The following CEMIP variants were observed in gnomAD, a reference collection of about 807,000 sequenced individuals.
CEMIP encodes cell migration inducing hyaluronidase 1.
Under a neutral mutation model 156.9 loss-of-function variants are expected in CEMIP, and 105 were observed. The ratio of observed to expected loss-of-function variants is 0.67; its 90% CI spans 0.57 to 0.79. The LOEUF is 0.79. Ranked by LOEUF, CEMIP falls within the 30% of genes least tolerant of loss-of-function variation. CEMIP has a pLI of 0.00. For synonymous variants in CEMIP, 676 were observed against 668.4 expected (o/e 1.01, Z -0.17); for missense variants, 1,457 against 1,769.4 (o/e 0.82, Z 3.17).
chr15:80,797,625 A>G (rs1416605785), intron 1 of CEMIP, among the ~76,000 whole-genome samples: 1 of 149,492 alleles, frequency 6.7e-6, no homozygotes, highest in African/African-American at 2.5e-5. Flanking sequence ...TGTCATTTCT[A>G]GAAGAAACGT....
At chr15:80,829,052 G>A (rs1596116819) in intron 1 of CEMIP, among the ~76,000 whole-genome samples, 1 of 152,202 alleles carries the variant, frequency 6.6e-6, no homozygotes, top group Non-Finnish European at 1.5e-5. Flanking sequence ...CCACAGTGGA[G>A]GCCACATTTT....
intron 15 of CEMIP, 100 bp downstream of exon 15, chr15:80,920,399 G>A (rs1458951355): frequency 1.7e-5 from 19 of 1,110,984 alleles, no homozygotes; most frequent in Admixed American, 1.1e-4. Context: ...TCTGCACTTC[G>A]GGGCTCTGAG....
intron 8 of CEMIP, among the ~76,000 whole-genome samples, chr15:80,888,435 GA>G (rs1260612690): frequency 3.9e-5 from 6 of 152,202 alleles, no homozygotes; most frequent in Non-Finnish European, 8.8e-5. Context: ...TGCCAAGGAG[GA>G]ATTCAGACCG....
intron 3 of CEMIP, among the ~76,000 whole-genome samples, chr15:80,877,580 C>T (rs1392993016): frequency 1.3e-5 from 2 of 152,226 alleles, no homozygotes; most frequent in Admixed American, 1.3e-4. Context: ...ATTGTCTCTT[C>T]CCACCTGTTT....
intron 1 of CEMIP, among the ~76,000 whole-genome samples, chr15:80,861,183 A>T (rs1897977996): frequency 6.6e-6 from 1 of 151,912 alleles, no homozygotes; most frequent in Non-Finnish European, 1.5e-5. Context: ...AGGCACTAAT[A>T]ATAAACACGG....
intron 28 of CEMIP, 166 bp from the exon 29 acceptor site, chr15:80,946,799 C>A (rs1901574962): frequency 1.4e-5 from 9 of 662,708 alleles, no homozygotes; most frequent in Non-Finnish European, 2.5e-5. Flanking sequence ...ATGGAAAGAG[C>A]CCGTCAGCTC....
intron 1 of CEMIP, among the ~76,000 whole-genome samples, chr15:80,824,341 G>A (rs1198727791): frequency 7.9e-5 from 12 of 152,198 alleles, no homozygotes; most frequent in Admixed American, 7.9e-4. Context: ...TCTTGAGGGT[G>A]GCATAGGGTC....
rs7181416 is a variant in CEMIP, at chr15:80,862,608, A to G, written c.-175-10930A>G. ...CCTCTCCATGCAGATAAGATGGGCC[A>G]CTTTCACTGTGAGGTAGGAGGCAGC... On this transcript the variant is annotated intron_variant, in intron 1 of 29. Coordinates refer to ENST00000394685, the MANE Select transcript of CEMIP (RefSeq NM_001293298.2). Among the ~76,000 whole-genome samples, 555 of 152,322 alleles carry G rather than the reference A, an allele frequency of 3.6e-3. 4 individuals are homozygous for G. The highest frequency in any genetic ancestry group is 6.0e-3 in the Non-Finnish European group (405 of 68,032).
chr15:80,929,696 T>C, intron 21 of CEMIP, among the ~76,000 whole-genome samples: 1 of 152,212 alleles, frequency 6.6e-6, no homozygotes. Flanking sequence ...GCTGTGCACA[T>C]AGGGGATGAG....
chr15:80,788,296 T>C (rs1021132409), intron 1 of CEMIP, among the ~76,000 whole-genome samples: 1 of 151,468 alleles, frequency 6.6e-6, no homozygotes, highest in Non-Finnish European at 1.5e-5. Context: ...CATGGTGAAA[T>C]GCTGTCTCTA....
intron 1 of CEMIP, among the ~76,000 whole-genome samples, chr15:80,825,607 C>T (rs1897017979): frequency 6.6e-6 from 1 of 152,194 alleles, no homozygotes; most frequent in Admixed American, 6.5e-5. Context: ...ATGGTTCAAA[C>T]AAGTAAGCAA....
intron 1 of CEMIP, among the ~76,000 whole-genome samples, chr15:80,785,731 A>G (rs1895918846): frequency 1.3e-5 from 2 of 152,210 alleles, no homozygotes; most frequent in Admixed American, 6.5e-5. Flanking sequence ...GCATATGAGG[A>G]GAGTCAGAAG....
chr15:80,822,281 C>A (rs1896928627), intron 1 of CEMIP, among the ~76,000 whole-genome samples: 1 of 152,190 alleles, frequency 6.6e-6, no homozygotes, highest in Non-Finnish European at 1.5e-5. Context: ...AATGCATGAG[C>A]CTCCCTGTTG....
At position 80,942,270 on chromosome 15, in the gene CEMIP, T is replaced by C. The variant is rs1901369783; in HGVS notation, c.3632T>C (p.Leu1211Ser). The C allele has an allele frequency of 1.2e-6, 2 of 1,614,026 alleles. No individual in the cohort carries two copies. Among genetic ancestry groups the C allele is most frequent in the Admixed American group, 1.7e-5 (1 of 60,010 alleles). The stretch of plus-strand genomic sequence containing the variant: ...TTCCAGAAAACAAAGGACCATTTCT[T>C]GGAGGTGAAGATGGAGAGTTCCAAG... ...GSQLKTKDHF[L>S]EVKMESSKQH... The change falls in exon 27 of 30, where the codon TTG becomes TCG. Residue 1211 changes from leucine (L) to serine (S), a missense_variant. Physicochemically the swap from Leu to Ser is moderately radical, Grantham distance 145. Transcript: ENST00000394685.
chr15:80,922,068 C>T lies in CEMIP; in HGVS notation c.2133C>T (p.Tyr711=), dbSNP rs115662364. Residue 711 remains tyrosine (Y), a synonymous_variant, in exon 17 of 30, where the codon TAC becomes TAT. Coordinates refer to ENST00000394685, the MANE Select transcript of CEMIP (RefSeq NM_001293298.2). The part of the protein sequence containing the change: ...HVPTGPSVGM[Y]SPGYSEHIPL... Reference sequence around the variant, plus strand: ...CAACGGGCCCCTCCGTGGGAATGTACTCCCCAGGTTATTCAGAGCACATTC... The same window carrying T: ...CAACGGGCCCCTCCGTGGGAATGTATTCCCCAGGTTATTCAGAGCACATTC... 1.8e-3 allele frequency: 2,933 copies of T among 1,614,176 alleles called. 44 individuals are homozygous for T. In the African/African-American group the frequency reaches 0.035, roughly 19 times the overall value.
chr15:80,784,725 G>A (rs958873471), intron 1 of CEMIP, among the ~76,000 whole-genome samples: 3 of 152,116 alleles, frequency 2.0e-5, no homozygotes, highest in African/African-American at 7.2e-5. Context: ...CAACTCACAG[G>A]GGCACGTGTT....
At chr15:80,920,893 C>T in intron 15 of CEMIP, 139 bp from the exon 16 acceptor site, 1 of 714,414 alleles carries the variant, frequency 1.4e-6, no homozygotes, top group Non-Finnish European at 2.5e-6. Flanking sequence ...GGTTTCAGAT[C>T]AACAAGTCAA....
chr15:80,832,322 C>CTGTGTG (rs58855328), intron 1 of CEMIP, among the ~76,000 whole-genome samples: 4,893 of 127,652 alleles, frequency 0.038, 204 homozygotes, highest in Non-Finnish European at 0.047. Flanking sequence ...AAAATAAACT[C>CTGTGTG]TGTGTGTGTG....
chr15:80,780,485 C>T (rs1337519576), intron 1 of CEMIP, among the ~76,000 whole-genome samples: 2 of 152,186 alleles, frequency 1.3e-5, no homozygotes, highest in African/African-American at 4.8e-5. Flanking sequence ...CAGCCGCAGA[C>T]ACTCTCTGCG....
Sources: allele counts gnomAD v4.1 joint callset (sites outside exome capture counted in the v4.1 genomes callset), GRCh38; gene constraint gnomAD v4.1.1; transcripts MANE v1.5; gene names NCBI Gene and HGNC (gene_info 2026-07-23, HGNC 2026-07-21).